Variants in TRABD2B observed in about 807,000 individuals in gnomAD.
The protein encoded by TRABD2B is TraB domain containing 2B, also known as metalloprotease TIKI2.
Under a neutral mutation model 40.1 loss-of-function variants are expected in TRABD2B, and 14 were observed. The ratio of observed to expected loss-of-function variants is 0.35; its 90% CI spans 0.23 to 0.55. TRABD2B has a LOEUF of 0.55. Among genes scored for constraint, TRABD2B ranks in the 20% least tolerant of loss-of-function variants. The probability of loss-of-function intolerance (pLI) is 0.90; values close to 1 mark genes in which losing one functional copy is unlikely to be tolerated. For synonymous variants in TRABD2B, 263 were observed against 277.0 expected, an observed-to-expected ratio of 0.95 and a Z score of 0.50; for missense variants, 541 against 648.6, an observed-to-expected ratio of 0.83 and a Z score of 1.80.
chr1:47,972,088 A>G (rs1240361360), intron 2 of TRABD2B, among the ~76,000 whole-genome samples: 1 of 152,240 alleles, frequency 6.6e-6, no homozygotes, highest in African/African-American at 2.4e-5. Context: ...AATAATGCTA[A>G]TTAAGTAGTT....
chr1:47,848,864 C>T (rs1285649849), intron 2 of TRABD2B, among the ~76,000 whole-genome samples: 3 of 152,238 alleles, frequency 2.0e-5, no homozygotes, highest in African/African-American at 7.2e-5. Flanking sequence ...GAGAGTTTGT[C>T]TGTCTTCTCA....
At chr1:47,992,360 T>C (rs1646024447) in intron 2 of TRABD2B, among the ~76,000 whole-genome samples, 1 of 152,204 alleles carries the variant, frequency 6.6e-6, no homozygotes, top group Non-Finnish European at 1.5e-5. Context: ...ATCATTTGGT[T>C]GAACAGGAGT....
chr1:47,801,395 G>A (rs1557578074), intron 3 of TRABD2B, 78 bp downstream of exon 3: 37 of 1,406,580 alleles, frequency 2.6e-5, no homozygotes, highest in Non-Finnish European at 7.7e-6. Flanking sequence ...CATGGCTGGA[G>A]AGAAGATTAC....
intron 2 of TRABD2B, among the ~76,000 whole-genome samples, chr1:47,812,300 ATTATAATGTGGTAAG>A (rs1644975793): frequency 6.6e-6 from 1 of 152,202 alleles, no homozygotes; most frequent in Non-Finnish European, 1.5e-5. Flanking sequence ...GGCACGGGTA[ATTATAATGTGGTAAG>A]TTAATAATAA....
At chr1:47,803,580 G>A (rs138721430) in intron 2 of TRABD2B, among the ~76,000 whole-genome samples, 8 of 152,306 alleles carry the variant, frequency 5.3e-5, no homozygotes, top group African/African-American at 1.7e-4. Flanking sequence ...CCAGATGCAT[G>A]AGTGGAAAAC....
chr1:47,949,360 T>TCTC (rs1429200822), intron 2 of TRABD2B, among the ~76,000 whole-genome samples: 2 of 150,426 alleles, frequency 1.3e-5, no homozygotes, highest in Non-Finnish European at 3.0e-5. Flanking sequence ...TCTATTGGCC[T>TCTC]CTCCCATCAG....
Position 47,761,737 on chromosome 1 carries a change from C to T in TRABD2B, c.*4165G>A, listed in dbSNP as rs1345520520. On this transcript the variant is annotated 3_prime_UTR_variant, in exon 7 of 7. Coordinates refer to ENST00000606738, the MANE Select transcript of TRABD2B (RefSeq NM_001194986.2). ...ACTGCCCCTGCTCAAACACCTCTCC[C>T]GATGGGAAACCTGCCACCCTTGGGG... The T allele has an allele frequency of 1.3e-5, 2 of 152,246 alleles. No individual in the cohort carries two copies. Among genetic ancestry groups the T allele is most frequent in the East Asian group, 1.9e-4 (1 of 5,196 alleles). 9.4% of individuals were successfully genotyped at this position (152,246 alleles called of 1,614,324 possible). A position where few individuals can be genotyped will look rare whatever the true frequency, so the allele number is the denominator to read the frequency against.
intron 2 of TRABD2B, among the ~76,000 whole-genome samples, chr1:47,945,389 G>A (rs1645246850): frequency 6.6e-6 from 1 of 152,136 alleles, no homozygotes; most frequent in Admixed American, 6.5e-5. Context: ...AGACCTTAAA[G>A]CTTTACTAGC....
At chr1:47,902,523 G>A (rs1644615452) in intron 2 of TRABD2B, among the ~76,000 whole-genome samples, 1 of 152,178 alleles carries the variant, frequency 6.6e-6, no homozygotes. Context: ...AAGAGACAAG[G>A]TCTCACTCTG....
intron 2 of TRABD2B, among the ~76,000 whole-genome samples, chr1:47,941,396 GCA>G (rs1406763006): frequency 1.3e-5 from 2 of 152,046 alleles, no homozygotes; most frequent in African/African-American, 4.8e-5. Context: ...ACACTTGTAT[GCA>G]CACACTCGCA....
chr1:47,849,965 C>T (rs1028415636), intron 2 of TRABD2B, among the ~76,000 whole-genome samples: 1 of 152,262 alleles, frequency 6.6e-6, no homozygotes, highest in African/African-American at 2.4e-5. Flanking sequence ...CCAGCCAGCA[C>T]TGGCCCACAG....
chr1:47,952,513 T>C lies in TRABD2B; in HGVS notation c.666+41521A>G, dbSNP rs560191670. 8.9e-4 allele frequency among the ~76,000 whole-genome samples: 136 copies of C among 152,314 alleles called. 1 individual carries two copies. The highest frequency in any genetic ancestry group is 3.2e-3 in the African/African-American group (134 of 41,560). ...CTCCAGTCCCATCTGCTGACTGCTG[T>C]TCTCTGTATCTAAGACACCCTTTCT... On this transcript the variant is annotated intron_variant, in intron 2 of 6. Transcript: ENST00000606738.
intron 2 of TRABD2B, among the ~76,000 whole-genome samples, chr1:47,854,573 G>A (rs989554835): frequency 2.2e-5 from 3 of 135,704 alleles, no homozygotes; most frequent in African/African-American, 7.7e-5. Context: ...TCTCAAAACA[G>A]AGTGTAGGGT....
intron 2 of TRABD2B, among the ~76,000 whole-genome samples, chr1:47,960,569 T>C (rs1645497279): frequency 6.6e-6 from 1 of 151,698 alleles, no homozygotes; most frequent in Non-Finnish European, 1.5e-5. Flanking sequence ...TATACACCAA[T>C]AACAGACAGA....
chr1:47,969,377 T>C (rs982622474), intron 2 of TRABD2B, among the ~76,000 whole-genome samples: 1 of 152,162 alleles, frequency 6.6e-6, no homozygotes, highest in African/African-American at 2.4e-5. Context: ...GGTGCCATCC[T>C]CCAAGATCTT....
chr1:47,820,840 C>T (rs1484960556), intron 2 of TRABD2B, among the ~76,000 whole-genome samples: 2 of 151,596 alleles, frequency 1.3e-5, no homozygotes, highest in African/African-American at 4.8e-5. Context: ...ACTTACTCTT[C>T]CCATAATCCA....
Position 47,831,277 on chromosome 1 carries a change from G to A in TRABD2B, c.667-29658C>T, listed in dbSNP as rs12031622. On this transcript the variant is annotated intron_variant, in intron 2 of 6. Coordinates refer to ENST00000606738, the MANE Select transcript of TRABD2B (RefSeq NM_001194986.2). ...CGGTGGGAGAGCAGAATTATTAATA[G>A]GTCCTACTGAGGCCTCGGGAAAAAT... 9.2e-5 allele frequency among the ~76,000 whole-genome samples: 14 copies of A among 152,292 alleles called. No homozygotes were observed. The East Asian group carries it at 1.9e-3, about 21-fold the overall frequency.
chr1:47,838,668 G>A (rs1240508385), intron 2 of TRABD2B, among the ~76,000 whole-genome samples: 2 of 152,172 alleles, frequency 1.3e-5, no homozygotes, highest in African/African-American at 4.8e-5. Context: ...GTAAGGAGAC[G>A]CAGTGTAAAC....
chr1:47,947,116 A>G (rs1038520324), intron 2 of TRABD2B, among the ~76,000 whole-genome samples: 3 of 152,200 alleles, frequency 2.0e-5, no homozygotes, highest in Admixed American at 2.0e-4. Flanking sequence ...AGAGGGAAGT[A>G]GCCTGTCTAA....
Sources: allele counts gnomAD v4.1 joint callset (sites outside exome capture counted in the v4.1 genomes callset), GRCh38; gene constraint gnomAD v4.1.1; transcripts MANE v1.5; gene names NCBI Gene and HGNC (gene_info 2026-07-23, HGNC 2026-07-21).